STAM2: variants seen among roughly 807,000 people sequenced by gnomAD.
STAM2 encodes the protein signal transducing adaptor molecule 2, also known as signal transducing adapter molecule 2.
In STAM2, 51 loss-of-function variants were observed where a neutral mutation model predicts 65.6. The ratio of observed to expected loss-of-function variants is 0.78; its 90% CI spans 0.62 to 0.98. The LOEUF (loss-of-function observed/expected upper bound fraction) is 0.98, where lower values mean the gene tolerates loss of function less well. Among genes scored for constraint, STAM2 ranks in the 50% least tolerant of loss-of-function variants. STAM2 has a pLI of 0.00. For missense variants in STAM2, 584 were observed against 617.8 expected (o/e 0.95, Z 0.58); for synonymous variants, 198 against 208.4 (o/e 0.95, Z 0.43).
In STAM2 at chr2:152,175,744, C is replaced by G; in HGVS notation, c.-102G>C. 1 of 1,295,808 alleles carries G rather than the reference C, an allele frequency of 7.7e-7. No individual in the cohort carries two copies. Among genetic ancestry groups the G allele is most frequent in the South Asian group, 1.3e-5 (1 of 78,764 alleles). The allele number at this position is 1,295,808 out of a possible 1,614,324, so 80.3% of individuals were successfully genotyped here. ...CGCGGCTCCCTAGACCGCTCCGCTT[C>G]GGCCTCCGTCCCTGCACTTCCGCCA... On this transcript the variant is annotated 5_prime_UTR_variant, in exon 1 of 14. Coordinates refer to ENST00000263904, the MANE Select transcript of STAM2 (RefSeq NM_005843.6).
At chr2:152,148,410 C>T in intron 2 of STAM2, 110 bp from the exon 3 acceptor site, 1 of 891,516 alleles carries the variant, frequency 1.1e-6, no homozygotes. Flanking sequence ...TGGCTCATGC[C>T]TGTAATTCCA....
In STAM2 at chr2:152,118,446, T is replaced by TATATATATATATATATATATA. The variant is rs1560206925; in HGVS notation, c.*2127_*2128insTATATATATATATATATATAT. On this transcript the variant is annotated 3_prime_UTR_variant, in exon 14 of 14. Coordinates refer to ENST00000263904, the MANE Select transcript of STAM2 (RefSeq NM_005843.6). ...CGATGTGCCAATATATACTATATAT[T>TATATATATATATATATATATA]TATATATATATATATGTGTCATGTT... 2.1e-5 allele frequency: 3 copies of TATATATATATATATATATATA among 144,888 alleles called. No individual in the cohort carries two copies. Among genetic ancestry groups the TATATATATATATATATATATA allele is most frequent in the African/African-American group, 7.7e-5 (3 of 38,862 alleles). 9.0% of individuals were successfully genotyped at this position (144,888 alleles called of 1,614,324 possible).
chr2:152,127,563 A>G (rs1286672921), intron 11 of STAM2, among the ~76,000 whole-genome samples: 1 of 151,438 alleles, frequency 6.6e-6, no homozygotes, highest in Non-Finnish European at 1.5e-5. Context: ...ACACACACAC[A>G]TTTTCATTTG....
chr2:152,147,871 C>A (rs4664536), intron 4 of STAM2, among the ~76,000 whole-genome samples, 153 bp downstream of exon 4: 92,784 of 151,972 alleles, frequency 0.61, 29,915 homozygotes, highest in East Asian at 0.87. Context: ...TGGTGCTACA[C>A]ATTAAAAAAT....
Position 152,119,581 on chromosome 2 carries a change from G to A in STAM2, c.*993C>T, listed in dbSNP as rs1215976839. On this transcript the variant is annotated 3_prime_UTR_variant, in exon 14 of 14. Transcript: ENST00000263904. ...CAACAAATTATTAGGAATGTCTCAT[G>A]GTTCAAATTCACACGCAATCCCATA... 1 of 152,118 alleles carries A rather than the reference G, an allele frequency of 6.6e-6. No individual in the cohort carries two copies. The highest frequency in any genetic ancestry group is 1.5e-5 in the Non-Finnish European group (1 of 68,010). 9.4% of individuals were successfully genotyped at this position (152,118 alleles called of 1,614,324 possible). A position where few individuals can be genotyped will look rare whatever the true frequency, so the allele number is the denominator to read the frequency against.
At position 152,152,100 on chromosome 2, in the gene STAM2, C is replaced by T. The variant is rs1374858952; in HGVS notation, c.41-1871G>A. Among the ~76,000 whole-genome samples the T allele has an allele frequency of 5.9e-5, 9 of 152,214 alleles. No homozygotes were observed. In the East Asian group the frequency reaches 1.7e-3, roughly 29 times the overall value. On this transcript the variant is annotated intron_variant, in intron 1 of 13. Coordinates refer to ENST00000263904, the MANE Select transcript of STAM2 (RefSeq NM_005843.6). ...GGACTACAGGTGTGCACCATCACGC[C>T]CAACTAAGTTTCGTATTTTTTGTGG...
intron 13 of STAM2, among the ~76,000 whole-genome samples, chr2:152,122,995 C>T (rs1000103214): frequency 3.2e-4 from 48 of 151,642 alleles, no homozygotes; most frequent in African/African-American, 9.4e-4. Flanking sequence ...AGCTTGAGAC[C>T]GGGAGGTCAA....
At chr2:152,144,132 T>C (rs1355017246) in intron 6 of STAM2, 119 bp from the exon 7 acceptor site, 13 of 679,412 alleles carry the variant, frequency 1.9e-5, no homozygotes, top group Middle Eastern at 9.9e-4. Flanking sequence ...AATTACATGC[T>C]ACAGTTAACT....
In STAM2 at chr2:152,147,982, A is replaced by T. The variant is rs539199875; in HGVS notation, c.300+42T>A. On this transcript the variant is annotated intron_variant, in intron 4 of 13. Transcript: ENST00000263904. Reference sequence around the variant, plus strand: ...ATAGTTATAATGACACACAATCTACATTTTTTTAATGACTTAAAGTTCTTC... The same window carrying T: ...ATAGTTATAATGACACACAATCTACTTTTTTTTAATGACTTAAAGTTCTTC... 1.9e-5 allele frequency: 27 copies of T among 1,450,404 alleles called. No homozygotes were observed. The South Asian group carries it at 3.2e-4, about 17-fold the overall frequency. 89.8% of individuals were successfully genotyped at this position (1,450,404 alleles called of 1,614,324 possible).
rs907655760 is a variant in STAM2 at position 152,144,805 on chromosome 2, G to A, written c.517+83C>T. ...GCCCACTTCGGCCTCCCAAAGTGCT[G>A]GGATTACAGGCGTGAGCCACCGCGC... On this transcript the variant is annotated intron_variant, in intron 6 of 13. Transcript: ENST00000263904. 1.2e-5 allele frequency: 14 copies of A among 1,168,668 alleles called. No individual in the cohort carries two copies. In the East Asian group the frequency reaches 1.9e-4, roughly 16 times the overall value. 72.4% of individuals were successfully genotyped at this position (1,168,668 alleles called of 1,614,324 possible). A position where few individuals can be genotyped will look rare whatever the true frequency, so the allele number is the denominator to read the frequency against.
chr2:152,158,250 G>T (rs1689589302), intron 1 of STAM2, among the ~76,000 whole-genome samples: 1 of 152,188 alleles, frequency 6.6e-6, no homozygotes, highest in Non-Finnish European at 1.5e-5. Flanking sequence ...GCCAAGGGGG[G>T]TGGATCACGA....
At position 152,148,907 on chromosome 2, in the gene STAM2, T is replaced by C. The variant is rs764946710; in HGVS notation, c.126-607A>G. Reference sequence around the variant, plus strand: ...CTATTTCTTCAAGACAGGTTTAGCTTTCAAACAGCAAAAGCTTATCTTGAA... The same window carrying C: ...CTATTTCTTCAAGACAGGTTTAGCTCTCAAACAGCAAAAGCTTATCTTGAA... On this transcript the variant is annotated intron_variant, in intron 2 of 13. Transcript: ENST00000263904. Among the ~76,000 whole-genome samples the C allele has an allele frequency of 2.9e-4, 44 of 152,130 alleles. 1 individual carries two copies. Among genetic ancestry groups the C allele is most frequent in the Non-Finnish European group, 6.0e-4 (41 of 68,006 alleles).
chr2:152,148,365 G>A (rs1689376648), intron 2 of STAM2, 65 bp from the exon 3 acceptor site: 1 of 1,296,944 alleles, frequency 7.7e-7, no homozygotes, highest in African/African-American at 1.5e-5. Context: ...CAAACATTAA[G>A]GTATTATTCT....
intron 1 of STAM2, among the ~76,000 whole-genome samples, chr2:152,156,199 A>G (rs548916553): frequency 1.3e-5 from 2 of 152,336 alleles, no homozygotes; most frequent in African/African-American, 4.8e-5. Flanking sequence ...TTTCCATAGA[A>G]AATGGGAAAT....
At chr2:152,159,111 A>ATATATATATATATATATATATATATG (rs70974825) in intron 1 of STAM2, among the ~76,000 whole-genome samples, 1 of 117,358 alleles carries the variant, frequency 8.5e-6, no homozygotes, top group African/African-American at 3.3e-5. Context: ...ATATATATAT[A>ATATATATATATATATATATATATATG]CACACACAGA....
rs376411375 is a variant in STAM2, at chr2:152,147,265, T to C, written c.344A>G (p.Glu115Gly). Reference sequence around the variant, plus strand: ...GTCCTTCTGAAATTCTTCTGACCACTCCACCATTAAAGATTTCAGTTTTTC... The same window carrying C: ...GTCCTTCTGAAATTCTTCTGACCACCCCACCATTAAAGATTTCAGTTTTTC... ...VCEKLKSLMV[E>G]WSEEFQKDPQ... is the part of the protein sequence containing the mutation. Residue 115 changes from glutamate to glycine, a missense_variant, in exon 5 of 14, where the codon GAG becomes GGG. Glu to Gly is a moderately conservative substitution (Grantham distance 98). Coordinates refer to ENST00000263904, the MANE Select transcript of STAM2 (RefSeq NM_005843.6). 4 of 1,607,732 alleles carry C rather than the reference T, an allele frequency of 2.5e-6. No homozygotes were observed. Among genetic ancestry groups the C allele is most frequent in the Middle Eastern group, 1.6e-4 (1 of 6,062 alleles).
chr2:152,162,522 T>C (rs577849887), intron 1 of STAM2, among the ~76,000 whole-genome samples: 12 of 152,326 alleles, frequency 7.9e-5, no homozygotes, highest in African/African-American at 2.6e-4. Context: ...GAGGTTACAG[T>C]GAGCTATGAT....
At position 152,126,291 on chromosome 2, in the gene STAM2, A is replaced by G. The variant is rs1268558775; in HGVS notation, c.1114T>C (p.Ser372Pro). 1 of 1,610,368 alleles carries G rather than the reference A, an allele frequency of 6.2e-7. No homozygotes were observed. Among genetic ancestry groups the G allele is most frequent in the East Asian group, 2.2e-5 (1 of 44,616 alleles). Residue 372 changes from serine to proline, a missense_variant, in exon 12 of 14, where the codon TCA (serine) becomes CCA (proline). Coordinates refer to ENST00000263904, the MANE Select transcript of STAM2 (RefSeq NM_005843.6). ...GGAGGGTGGAGCTTTGAATAGACTG[A>G]GTACACTGGTGCTTCATTCACCAAT... ...NKLVNEAPVYSVYSKLHPPAH... is the reference protein window; with the variant it reads ...NKLVNEAPVYPVYSKLHPPAH...
intron 1 of STAM2, among the ~76,000 whole-genome samples, chr2:152,165,154 G>A (rs1321201090): frequency 6.6e-6 from 1 of 152,092 alleles, no homozygotes; most frequent in Admixed American, 6.6e-5. Flanking sequence ...GGTCGGGCGC[G>A]GTGGCTCATG....
Sources: allele counts gnomAD v4.1 joint callset (sites outside exome capture counted in the v4.1 genomes callset), GRCh38; gene constraint gnomAD v4.1.1; transcripts MANE v1.5; gene names NCBI Gene and HGNC (gene_info 2026-07-23, HGNC 2026-07-21).